B3GALT1: variants seen among roughly 807,000 people sequenced by gnomAD.
B3GALT1 encodes UDP-Gal:betaGlcNAc beta 1,3-galactosyltransferase, polypeptide 1.
In B3GALT1, 10 loss-of-function variants were observed where a neutral mutation model predicts 23.2. The ratio of observed to expected loss-of-function variants is 0.43; its 90% CI spans 0.27 to 0.73. The LOEUF (loss-of-function observed/expected upper bound fraction) is 0.73. Ranked by LOEUF, B3GALT1 falls within the 30% of genes least tolerant of loss-of-function variation. The pLI, the probability that B3GALT1 is intolerant of heterozygous loss-of-function variation, is 0.21. For missense variants in B3GALT1, 299 were observed against 405.4 expected (o/e 0.74, Z 2.25); for synonymous variants, 156 against 141.5 (o/e 1.10, Z -0.73).
rs549924492 is a variant in B3GALT1, at chr2:167,447,302, C to G, written c.-510-42875C>G. On this transcript the variant is annotated intron_variant, in intron 1 of 4. Transcript: ENST00000392690. ...GGGGTGCCTCCCAGTTAGGCTACTCCGGGGTCAGGGACCCACTTGAGGAGG... is the reference window on the plus strand; with the variant it reads ...GGGGTGCCTCCCAGTTAGGCTACTCGGGGGTCAGGGACCCACTTGAGGAGG... 3.9e-4 allele frequency among the ~76,000 whole-genome samples: 59 copies of G among 152,234 alleles called. No individual in the cohort carries two copies. The East Asian group carries it at 0.011, about 28-fold the overall frequency.
chr2:167,525,450 T>C (rs1339783574), intron 2 of B3GALT1, among the ~76,000 whole-genome samples: 1 of 152,106 alleles, frequency 6.6e-6, no homozygotes, highest in Non-Finnish European at 1.5e-5. Flanking sequence ...TACATAAATA[T>C]TTCAGAGATA....
chr2:167,716,363 C>T (rs958414131), intron 3 of B3GALT1, among the ~76,000 whole-genome samples: 1 of 152,192 alleles, frequency 6.6e-6, no homozygotes, highest in African/African-American at 2.4e-5. Context: ...TATTTTGAAG[C>T]TCTATTTTTT....
chr2:167,341,673 A>T (rs1482616487), intron 1 of B3GALT1, among the ~76,000 whole-genome samples: 1 of 152,160 alleles, frequency 6.6e-6, no homozygotes, highest in East Asian at 1.9e-4. Flanking sequence ...AAAACAAAAA[A>T]AAAGATTACT....
intron 3 of B3GALT1, among the ~76,000 whole-genome samples, chr2:167,765,387 C>T (rs564402400): frequency 8.5e-5 from 13 of 152,180 alleles, no homozygotes; most frequent in African/African-American, 1.9e-4. Context: ...TTCCACTCGG[C>T]GCTATGGCAA....
At chr2:167,409,579 G>C (rs750579908) in intron 1 of B3GALT1, among the ~76,000 whole-genome samples, 1 of 151,716 alleles carries the variant, frequency 6.6e-6, no homozygotes, top group Admixed American at 6.6e-5. Flanking sequence ...CTAATTTCTT[G>C]TGCTGTGTTT....
chr2:167,598,081 G>A (rs754515383), intron 2 of B3GALT1, among the ~76,000 whole-genome samples: 7 of 152,196 alleles, frequency 4.6e-5, no homozygotes, highest in East Asian at 1.9e-4. Flanking sequence ...AATCTAGTAC[G>A]GAATTCACAT....
At chr2:167,313,918 A>G (rs954081065) in intron 1 of B3GALT1, among the ~76,000 whole-genome samples, 1 of 152,148 alleles carries the variant, frequency 6.6e-6, no homozygotes, top group Admixed American at 6.6e-5. Flanking sequence ...TAAATCCTGT[A>G]TTATGTTAAG....
intron 4 of B3GALT1, among the ~76,000 whole-genome samples, chr2:167,827,510 A>C (rs967284356): frequency 1.3e-5 from 2 of 152,200 alleles, no homozygotes; most frequent in Non-Finnish European, 2.9e-5. Context: ...ACATGAAGCC[A>C]AGCAGCTCTC....
At chr2:167,611,225 A>C (rs1685060918) in intron 2 of B3GALT1, among the ~76,000 whole-genome samples, 1 of 152,050 alleles carries the variant, frequency 6.6e-6, no homozygotes, top group Non-Finnish European at 1.5e-5. Context: ...TTAAATTATT[A>C]ATTTTAATTG....
chr2:167,663,338 A>C (rs1686106253), intron 3 of B3GALT1, among the ~76,000 whole-genome samples: 1 of 151,596 alleles, frequency 6.6e-6, no homozygotes, highest in Non-Finnish European at 1.5e-5. Flanking sequence ...TATGTGCCAC[A>C]TTTTCTTAAT....
At chr2:167,646,657 T>C (rs73015463) in intron 2 of B3GALT1, among the ~76,000 whole-genome samples, 6,355 of 152,156 alleles carry the variant, frequency 0.042, 467 homozygotes, top group African/African-American at 0.15. Context: ...TCTGAAACCA[T>C]TTATTCCCTG....
intron 1 of B3GALT1, among the ~76,000 whole-genome samples, chr2:167,385,159 A>T (rs1430568615): frequency 5.9e-5 from 9 of 152,018 alleles, no homozygotes; most frequent in Non-Finnish European, 1.3e-4. Context: ...CTTTCTTGTC[A>T]TTCTCCCCAA....
chr2:167,409,480 C>T (rs758612698), intron 1 of B3GALT1, among the ~76,000 whole-genome samples: 16 of 152,052 alleles, frequency 1.1e-4, no homozygotes, highest in African/African-American at 3.1e-4. Flanking sequence ...ATCTTGTCTT[C>T]GCACCATATT....
chr2:167,753,319 A>G (rs1427647675), intron 3 of B3GALT1, among the ~76,000 whole-genome samples: 2 of 152,214 alleles, frequency 1.3e-5, no homozygotes, highest in Non-Finnish European at 2.9e-5. Context: ...AGGCCCGTCA[A>G]TCTGCGCTAG....
Position 167,759,962 on chromosome 2 carries a change from C to G in B3GALT1, c.-351-58710C>G, listed in dbSNP as rs184924081. Among the ~76,000 whole-genome samples the G allele has an allele frequency of 4.7e-4, 71 of 152,166 alleles. No homozygotes were observed. In the East Asian group the frequency reaches 0.014, roughly 29 times the overall value. On this transcript the variant is annotated intron_variant, in intron 3 of 4. Coordinates refer to ENST00000392690, the MANE Select transcript of B3GALT1 (RefSeq NM_020981.4). The stretch of plus-strand genomic sequence containing the variant: ...TTTGTTTACTTAAGTTTAACTCCTC[C>G]TAGGGAAAGCATAGAATGAAAAATA...
At chr2:167,692,474 G>A (rs1041592713) in intron 3 of B3GALT1, among the ~76,000 whole-genome samples, 1 of 152,028 alleles carries the variant, frequency 6.6e-6, no homozygotes, top group Non-Finnish European at 1.5e-5. Flanking sequence ...GTGTAAATAT[G>A]TATCACTTTG....
intron 3 of B3GALT1, among the ~76,000 whole-genome samples, chr2:167,734,506 G>C (rs1320955193): frequency 1.3e-5 from 2 of 152,178 alleles, no homozygotes; most frequent in South Asian, 4.1e-4. Flanking sequence ...TGAATGACAA[G>C]AATGAGACCC....
intron 3 of B3GALT1, among the ~76,000 whole-genome samples, chr2:167,748,588 G>T (rs1346147160): frequency 6.6e-6 from 1 of 152,234 alleles, no homozygotes; most frequent in East Asian, 1.9e-4. Context: ...CAAAAGGAAG[G>T]TTCAAAGTGG....
chr2:167,699,861 C>T (rs192221335), intron 3 of B3GALT1, among the ~76,000 whole-genome samples: 2 of 152,168 alleles, frequency 1.3e-5, no homozygotes, highest in Admixed American at 6.5e-5. Context: ...TAGAGGCACC[C>T]GCCACCATAC....
Sources: gnomAD v4.1 joint callset for allele counts (sites outside exome capture counted in the v4.1 genomes callset) on GRCh38, gnomAD v4.1.1 for gene constraint, MANE v1.5 for transcripts, NCBI Gene and HGNC (gene_info 2026-07-23, HGNC 2026-07-21) for gene names.